Variants in SLC24A3 observed in about 807,000 individuals in gnomAD.
SLC24A3 encodes sodium/potassium/calcium exchanger 3.
A neutral mutation model predicts 75.8 loss-of-function variants in SLC24A3; 28 were observed. The ratio of observed to expected loss-of-function variants is 0.37; its 90% confidence interval spans 0.27 to 0.51. The LOEUF is 0.51. Ranked by LOEUF, SLC24A3 falls within the 20% of genes least tolerant of loss-of-function variation. SLC24A3 has a pLI of 0.94. For synonymous variants in SLC24A3, 372 were observed against 334.1 expected (o/e 1.11, Z -1.24); for missense variants, 663 against 847.8 (o/e 0.78, Z 2.71).
intron 3 of SLC24A3, among the ~76,000 whole-genome samples, chr20:19,535,706 T>C (rs1275443865): frequency 1.3e-5 from 2 of 152,194 alleles, no homozygotes; most frequent in African/African-American, 4.8e-5. Flanking sequence ...TGAAGTTGTG[T>C]CTGCATAACA....
intron 2 of SLC24A3, among the ~76,000 whole-genome samples, chr20:19,408,688 C>A (rs1336609366): frequency 6.6e-6 from 1 of 152,124 alleles, no homozygotes; most frequent in Non-Finnish European, 1.5e-5. Flanking sequence ...CCACACCCGG[C>A]CTAAAAATAC....
At chr20:19,236,942 T>C (rs576735431) in intron 1 of SLC24A3, among the ~76,000 whole-genome samples, 1 of 151,842 alleles carries the variant, frequency 6.6e-6, no homozygotes, top group Non-Finnish European at 1.5e-5. Context: ...TTCGGTAGAG[T>C]TTCCCTCTTC....
chr20:19,267,523 T>A (rs6106053), intron 1 of SLC24A3, among the ~76,000 whole-genome samples: 2,568 of 152,340 alleles, frequency 0.017, 69 homozygotes, highest in African/African-American at 0.057. Flanking sequence ...TCCATTTTTT[T>A]AAAATAAAAG....
chr20:19,280,736 G>A (rs1217738514), intron 1 of SLC24A3, among the ~76,000 whole-genome samples: 1 of 152,188 alleles, frequency 6.6e-6, no homozygotes, highest in Non-Finnish European at 1.5e-5. Context: ...GACAACTGGA[G>A]CTTGATCCCA....
At chr20:19,296,657 T>G (rs1277471217) in intron 2 of SLC24A3, among the ~76,000 whole-genome samples, 2 of 152,184 alleles carry the variant, frequency 1.3e-5, no homozygotes, top group Admixed American at 1.3e-4. Context: ...AGTGGGAAAC[T>G]TTAATACCCC....
intron 2 of SLC24A3, among the ~76,000 whole-genome samples, chr20:19,483,006 C>A (rs954719374): frequency 6.6e-6 from 1 of 152,206 alleles, no homozygotes; most frequent in Non-Finnish European, 1.5e-5. Flanking sequence ...ATGATGTAGT[C>A]TTGCTGGCTT....
At position 19,585,423 on chromosome 20, in the gene SLC24A3, G is replaced by A. The variant is rs769012524; in HGVS notation, c.509-18G>A. 2 of 1,612,836 alleles carry A rather than the reference G, an allele frequency of 1.2e-6. No individual in the cohort carries two copies. The highest frequency in any genetic ancestry group is 1.7e-5 in the Admixed American group (1 of 59,920). ...ACAGGGCCACAACAGCCAGGCTGATGTGGGATCTGTGTTTCAGGGGTCTTC... is the reference window on the plus strand; with the variant it reads ...ACAGGGCCACAACAGCCAGGCTGATATGGGATCTGTGTTTCAGGGGTCTTC... On this transcript the variant is annotated intron_variant, in intron 5 of 16. Coordinates refer to ENST00000328041, the MANE Select transcript of SLC24A3 (RefSeq NM_020689.4).
intron 2 of SLC24A3, among the ~76,000 whole-genome samples, chr20:19,372,539 G>C (rs1568602180): frequency 6.6e-6 from 1 of 152,206 alleles, no homozygotes; most frequent in South Asian, 2.1e-4. Flanking sequence ...CTGGGAGCAG[G>C]CTCAGTGTGT....
intron 7 of SLC24A3, among the ~76,000 whole-genome samples, chr20:19,665,275 G>T (rs1245194707): frequency 1.3e-5 from 2 of 152,128 alleles, no homozygotes; most frequent in Non-Finnish European, 2.9e-5. Context: ...TGTTGTTAAT[G>T]CACTTATTTT....
chr20:19,298,353 G>A (rs559718319), intron 2 of SLC24A3, among the ~76,000 whole-genome samples: 1 of 152,312 alleles, frequency 6.6e-6, no homozygotes, highest in Admixed American at 6.5e-5. Flanking sequence ...TCTTTTTTAT[G>A]TGTTGGTTCC....
chr20:19,449,324 G>C (rs910458203), intron 2 of SLC24A3, among the ~76,000 whole-genome samples: 6 of 152,202 alleles, frequency 3.9e-5, no homozygotes, highest in Admixed American at 6.5e-5. Context: ...TGCTGGCACT[G>C]ACAGTGGGAT....
At chr20:19,222,940 C>T (rs1432586029) in intron 1 of SLC24A3, among the ~76,000 whole-genome samples, 2 of 151,786 alleles carry the variant, frequency 1.3e-5, no homozygotes, top group Non-Finnish European at 2.9e-5. Flanking sequence ...CTTCCCCATA[C>T]CCCTTTTTTT....
chr20:19,238,814 A>G (rs1487410809), intron 1 of SLC24A3, among the ~76,000 whole-genome samples: 1 of 152,098 alleles, frequency 6.6e-6, no homozygotes, highest in Non-Finnish European at 1.5e-5. Flanking sequence ...TGCCCTCTGG[A>G]GGCTGATTGT....
chr20:19,552,289 T>C (rs897637348), intron 3 of SLC24A3, among the ~76,000 whole-genome samples: 7 of 152,116 alleles, frequency 4.6e-5, no homozygotes, highest in African/African-American at 1.7e-4. Context: ...CATTCCCAAA[T>C]CACCAAGGAC....
chr20:19,490,856 C>G (rs1988199501), intron 2 of SLC24A3, among the ~76,000 whole-genome samples: 1 of 152,180 alleles, frequency 6.6e-6, no homozygotes, highest in Non-Finnish European at 1.5e-5. Flanking sequence ...ATCTGTAGCC[C>G]TTGCATGGAA....
At chr20:19,474,766 A>G (rs1461843419) in intron 2 of SLC24A3, among the ~76,000 whole-genome samples, 4 of 152,100 alleles carry the variant, frequency 2.6e-5, no homozygotes, top group Non-Finnish European at 5.9e-5. Context: ...TCTCTTAACA[A>G]TTTTCAATTG....
chr20:19,522,819 A>G (rs1353583487), intron 3 of SLC24A3, among the ~76,000 whole-genome samples: 2 of 151,696 alleles, frequency 1.3e-5, no homozygotes, highest in Admixed American at 6.6e-5. Flanking sequence ...AACAATAATC[A>G]TCTATATTTA....
chr20:19,412,079 A>G (rs1986752502), intron 2 of SLC24A3, among the ~76,000 whole-genome samples: 2 of 152,234 alleles, frequency 1.3e-5, no homozygotes, highest in African/African-American at 4.8e-5. Flanking sequence ...ATGAAATTAC[A>G]GTATTATTGA....
At chr20:19,493,684 G>A (rs1988238233) in intron 2 of SLC24A3, among the ~76,000 whole-genome samples, 2 of 152,106 alleles carry the variant, frequency 1.3e-5, no homozygotes, top group South Asian at 4.2e-4. Flanking sequence ...TCATAAAATG[G>A]GATCACTGGA....
Sources: allele counts gnomAD v4.1 joint callset (sites outside exome capture counted in the v4.1 genomes callset), GRCh38; gene constraint gnomAD v4.1.1; transcripts MANE v1.5; gene names NCBI Gene and HGNC (gene_info 2026-07-23, HGNC 2026-07-21).